Variants in CCDC81 observed in about 807,000 individuals in gnomAD.
CCDC81 encodes the protein coiled-coil domain containing 81.
CCDC81 carries 79 observed loss-of-function variants against 83.7 expected under a neutral mutation model. That is an observed-to-expected ratio of 0.94 (90% CI 0.79 to 1.14). The LOEUF (loss-of-function observed/expected upper bound fraction) is 1.14, where lower values mean the gene tolerates loss of function less well. Among genes scored for constraint, CCDC81 ranks in the 50% most tolerant of loss-of-function variants. The pLI is 0.00. For synonymous variants in CCDC81, 252 were observed against 278.1 expected, an observed-to-expected ratio of 0.91 and a Z score of 0.93; for missense variants, 791 against 778.1, an observed-to-expected ratio of 1.02 and a Z score of -0.20.
intron 8 of CCDC81, 61 bp from the exon 9 acceptor site, chr11:86,408,066 G>A (rs1212998670): frequency 7.1e-6 from 11 of 1,548,350 alleles, no homozygotes; most frequent in Non-Finnish European, 9.7e-6. Context: ...CTTGTGAAGG[G>A]AATGCGAAAG....
chr11:86,377,618 A>C (rs1948115384), intron 1 of CCDC81, among the ~76,000 whole-genome samples: 1 of 152,142 alleles, frequency 6.6e-6, no homozygotes, highest in African/African-American at 2.4e-5. Context: ...GCTTTGGCTC[A>C]TTTTTAAATT....
intron 4 of CCDC81, among the ~76,000 whole-genome samples, chr11:86,393,879 T>C (rs1462951018): frequency 6.6e-6 from 1 of 152,232 alleles, no homozygotes; most frequent in African/African-American, 2.4e-5. Context: ...TATAATCCTA[T>C]ATCCCATAAA....
intron 3 of CCDC81, 38 bp from the exon 4 acceptor site, chr11:86,392,503 C>CTT (rs1369300953): frequency 1.3e-6 from 2 of 1,542,358 alleles, no homozygotes. Flanking sequence ...GTAATCACCA[C>CTT]TTTCTTTCTC....
chr11:86,395,874 C>T (rs1251007929), intron 5 of CCDC81, among the ~76,000 whole-genome samples: 2 of 152,190 alleles, frequency 1.3e-5, no homozygotes, highest in African/African-American at 4.8e-5. Flanking sequence ...CCATCCGCCT[C>T]GGCCTCCCAA....
chr11:86,394,940 G>A (rs929371809), intron 4 of CCDC81, among the ~76,000 whole-genome samples: 2 of 152,320 alleles, frequency 1.3e-5, no homozygotes, highest in East Asian at 3.9e-4. Context: ...GAGCCCACCT[G>A]ACTCGAAAGC....
Position 86,415,295 on chromosome 11 carries a change from T to C in CCDC81, c.1673T>C (p.Leu558Pro), listed in dbSNP as rs35587986. 9.9e-6 allele frequency: 16 copies of C among 1,613,936 alleles called. No homozygotes were observed. Among genetic ancestry groups the C allele is most frequent in the Non-Finnish European group, 1.4e-5 (16 of 1,179,898 alleles). Residue 558 changes from leucine (L) to proline (P), a missense_variant, in exon 13 of 15, where the codon CTT becomes CCT. Transcript: ENST00000445632. ...LVDQRRDLQM[L>P]QRTQREHLAD... Reference sequence around the variant, plus strand: ...GACCAGAGGCGGGATTTGCAAATGCTTCAGAGGACACAAAGAGAGTAAGGA... The same window carrying C: ...GACCAGAGGCGGGATTTGCAAATGCCTCAGAGGACACAAAGAGAGTAAGGA...
intron 10 of CCDC81, among the ~76,000 whole-genome samples, chr11:86,410,654 T>G (rs1419069959): frequency 2.6e-5 from 4 of 152,260 alleles, no homozygotes; most frequent in Admixed American, 2.6e-4. Context: ...TATTTATTAC[T>G]GCTGTGTATC....
At chr11:86,406,945 T>C (rs934120040) in intron 7 of CCDC81, among the ~76,000 whole-genome samples, 1 of 152,172 alleles carries the variant, frequency 6.6e-6, no homozygotes, top group African/African-American at 2.4e-5. Context: ...TTCATCTCCC[T>C]CCACCACACT....
chr11:86,389,945 A>G (rs1565760003), intron 3 of CCDC81, among the ~76,000 whole-genome samples: 1 of 152,090 alleles, frequency 6.6e-6, no homozygotes, highest in Non-Finnish European at 1.5e-5. Flanking sequence ...CTCTACTAAA[A>G]ATACAAAAAA....
chr11:86,390,879 A>G (rs1948319689), intron 3 of CCDC81, among the ~76,000 whole-genome samples: 1 of 152,202 alleles, frequency 6.6e-6, no homozygotes, highest in Admixed American at 6.5e-5. Context: ...ATATTTAGGT[A>G]GAGGTGATAC....
rs1476335244 is a variant in CCDC81, at chr11:86,408,271, G to A, written c.1113+1G>A. The A allele has an allele frequency of 4.4e-6, 7 of 1,609,130 alleles. No individual in the cohort carries two copies. In the South Asian group the frequency reaches 4.5e-5, roughly 10 times the overall value. Reference sequence around the variant, plus strand: ...TCAGGAGGCTCTCTTCAGACACCAGGTAGTCCAACACCTCGATTAGTCTTT... The same window carrying A: ...TCAGGAGGCTCTCTTCAGACACCAGATAGTCCAACACCTCGATTAGTCTTT... On this transcript the variant is annotated splice_donor_variant, in intron 9 of 14. Transcript: ENST00000445632. LOFTEE classifies it high-confidence loss of function.
intron 1 of CCDC81, among the ~76,000 whole-genome samples, chr11:86,383,256 C>T (rs1360597821): frequency 6.6e-6 from 1 of 152,192 alleles, no homozygotes; most frequent in Non-Finnish European, 1.5e-5. Flanking sequence ...GCATTATGCT[C>T]TGGGAATATG....
chr11:86,410,810 T>A (rs976548064), intron 10 of CCDC81, among the ~76,000 whole-genome samples: 2 of 152,204 alleles, frequency 1.3e-5, no homozygotes, highest in African/African-American at 4.8e-5. Flanking sequence ...CTGTATTTAG[T>A]CATGATCACA....
rs58735003 is a variant in CCDC81 at position 86,377,172 on chromosome 11, GTT to G, written c.79+1941_79+1942del. Among the ~76,000 whole-genome samples, 7 of 146,874 alleles carry G rather than the reference GTT, an allele frequency of 4.8e-5. No homozygotes were observed. In the South Asian group the frequency reaches 8.6e-4, roughly 18 times the overall value. On this transcript the variant is annotated intron_variant, in intron 1 of 14. Transcript: ENST00000445632. ...ATTCCATTATCTAGATGTACCACAG[GTT>G]TTTTTTTTTTAATCTGTCCACCCAC... is the stretch of plus-strand genomic sequence containing the variant.
intron 5 of CCDC81, among the ~76,000 whole-genome samples, 177 bp downstream of exon 5, chr11:86,395,590 G>T (rs1276705763): frequency 6.6e-6 from 1 of 152,154 alleles, no homozygotes; most frequent in Non-Finnish European, 1.5e-5. Flanking sequence ...ACTTTCTGTA[G>T]TTAAGTTAAA....
rs117240122 is a variant in CCDC81, at chr11:86,398,665, G to A, written c.757+923G>A. Among the ~76,000 whole-genome samples, 106 of 152,112 alleles carry A rather than the reference G, an allele frequency of 7.0e-4. 1 individual carries two copies. In the East Asian group the frequency reaches 0.016, roughly 24 times the overall value. On this transcript the variant is annotated intron_variant, in intron 6 of 14. Coordinates refer to ENST00000445632, the MANE Select transcript of CCDC81 (RefSeq NM_001156474.2). ...TCCTGGGTTCAGGTGATTCTCCTGCGTCCAAGCTATTCTCCTGCATCAGCC... is the reference window on the plus strand; with the variant it reads ...TCCTGGGTTCAGGTGATTCTCCTGCATCCAAGCTATTCTCCTGCATCAGCC...
At chr11:86,397,524 A>C (rs1236389470) in intron 5 of CCDC81, 97 bp from the exon 6 acceptor site, 1 of 1,448,224 alleles carries the variant, frequency 6.9e-7, no homozygotes, top group African/African-American at 1.4e-5. Context: ...TTATTTCAGA[A>C]TCAGCCAGCT....
chr11:86,420,222 G>A (rs149370013), intron 14 of CCDC81, among the ~76,000 whole-genome samples, 169 bp downstream of exon 14: 89 of 152,324 alleles, frequency 5.8e-4, no homozygotes, highest in African/African-American at 2.1e-3. Flanking sequence ...GTCTGTTACA[G>A]ACATGGGATT....
intron 1 of CCDC81, among the ~76,000 whole-genome samples, chr11:86,385,836 T>G (rs1190297531): frequency 1.3e-5 from 2 of 152,204 alleles, no homozygotes; most frequent in Non-Finnish European, 2.9e-5. Flanking sequence ...ATTATTATTT[T>G]AAATCACATC....
Sources: allele counts gnomAD v4.1 joint callset (sites outside exome capture counted in the v4.1 genomes callset), GRCh38; gene constraint gnomAD v4.1.1; transcripts MANE v1.5; gene names NCBI Gene and HGNC (gene_info 2026-07-23, HGNC 2026-07-21).